PRAMEF4: variants seen among roughly 807,000 people sequenced by gnomAD.
PRAMEF4 encodes RP5-845O24.6.
In PRAMEF4, 18 loss-of-function variants were observed where a neutral mutation model predicts 34.4. That is an observed-to-expected ratio of 0.52 (90% CI 0.36 to 0.78). The LOEUF (loss-of-function observed/expected upper bound fraction) is 0.78. PRAMEF4 is among the 30% of genes least tolerant of loss of function. The pLI is 0.00. For synonymous variants in PRAMEF4, 156 were observed against 219.3 expected, an observed-to-expected ratio of 0.71 and a Z score of 2.55; for missense variants, 482 against 569.1, an observed-to-expected ratio of 0.85 and a Z score of 1.56.
chr1:12,884,654 G>A lies in PRAMEF4; in HGVS notation c.-16-1244C>T, dbSNP rs1211781678. ...CACTTGAACCCAGGAGGCAGAAGTT[G>A]CAGTGAGCTGACATTATACCACTCC... On this transcript the variant is annotated intron_variant, in intron 1 of 3. Transcript: ENST00000235349. 1.4e-5 allele frequency among the ~76,000 whole-genome samples: 2 copies of A among 147,612 alleles called. 1 individual carries two copies. Among genetic ancestry groups the A allele is most frequent in the African/African-American group, 5.1e-5 (2 of 39,484 alleles).
At position 12,881,993 on chromosome 1, in the gene PRAMEF4, C is replaced by T; in HGVS notation, c.736G>A (p.Val246Ile). 1.3e-6 allele frequency: 2 copies of T among 1,589,696 alleles called. No individual in the cohort carries two copies. The highest frequency in any genetic ancestry group is 1.7e-6 in the Non-Finnish European group (2 of 1,173,506). ...LQKLILSHMD[V>I]SRYVSPEQKK... ...TGCTCTGGGGAAACGTAGCGAGAGA[C>T]ATCCATGTGGGAGAGAATGAGTTTC... The change falls in exon 3 of 4, where the codon GTC becomes ATC. Residue 246 changes from valine to isoleucine, a missense_variant. By Grantham distance (29) the Val-to-Ile change is conservative (BLOSUM62 3). This residue lies in a region of PRAMEF4 where 81 missense variants were observed against 73.1 expected (regional missense o/e 1.11). Coordinates refer to ENST00000235349, the MANE Select transcript of PRAMEF4 (RefSeq NM_001009611.4).
At chr1:12,883,484 C>G in intron 1 of PRAMEF4, 74 bp from the exon 2 acceptor site, 1 of 1,572,272 alleles carries the variant, frequency 6.4e-7, no homozygotes, top group East Asian at 2.3e-5. Flanking sequence ...TCTCCTATGG[C>G]CAAACTCACT....
In PRAMEF4 at chr1:12,879,814, T is replaced by A; in HGVS notation, c.1167A>T (p.Gly389=). The A allele has an allele frequency of 6.3e-7, 1 of 1,599,822 alleles. No homozygotes were observed. The highest frequency in any genetic ancestry group is 2.2e-5 in the East Asian group (1 of 44,546). The change falls in exon 4 of 4, where the codon GGA becomes GGT. Residue 389 remains glycine, a synonymous_variant. Coordinates refer to ENST00000235349, the MANE Select transcript of PRAMEF4 (RefSeq NM_001009611.4). ...CFELNTFSFC[G]NPICMATLEN... ...CCAGGGTGGCCATGCAGATGGGATT[T>A]CCACAGAAGCTGAAGGTGTTGAGCT...
At chr1:12,884,028 T>C in intron 1 of PRAMEF4, among the ~76,000 whole-genome samples, 1 of 145,848 alleles carries the variant, frequency 6.9e-6, no homozygotes, top group Non-Finnish European at 1.5e-5. Flanking sequence ...TCACTCTTTC[T>C]GACAGAGTCT....
At chr1:12,883,756 G>C (rs1557641644) in intron 1 of PRAMEF4, among the ~76,000 whole-genome samples, 4 of 148,010 alleles carry the variant, frequency 2.7e-5, no homozygotes, top group Admixed American at 1.4e-4. Context: ...GAATGGGAAT[G>C]TCACAAGCCT....
At position 12,879,914 on chromosome 1, in the gene PRAMEF4, T is replaced by C. The variant is rs1640855652; in HGVS notation, c.1067A>G (p.Tyr356Cys). ...GATGCCACAGTCATCTAAATCCAGG[T>C]ACTCAAGGGTGGCTGCAACTTTTTC... ...LLEKVAATLE[Y>C]LDLDDCGIID... Residue 356 changes from tyrosine to cysteine, a missense_variant, in exon 4 of 4, where the codon TAC (tyrosine) becomes TGC (cysteine). This residue lies in a region of PRAMEF4 where 35 missense variants were observed against 109.2 expected (regional missense o/e 0.32). Coordinates refer to ENST00000235349, the MANE Select transcript of PRAMEF4 (RefSeq NM_001009611.4). The C allele has an allele frequency of 6.2e-7, 1 of 1,604,316 alleles. No individual in the cohort carries two copies. The highest frequency in any genetic ancestry group is 1.7e-5 in the Admixed American group (1 of 58,284).
chr1:12,885,175 G>A (rs1261834303), intron 1 of PRAMEF4, among the ~76,000 whole-genome samples: 2 of 150,540 alleles, frequency 1.3e-5, no homozygotes, highest in East Asian at 3.9e-4. Context: ...CGTCGCCCAG[G>A]CTGGAGTGCA....
At chr1:12,881,623 T>A (rs1232502684) in intron 3 of PRAMEF4, among the ~76,000 whole-genome samples, 1 of 140,970 alleles carries the variant, frequency 7.1e-6, no homozygotes, top group Non-Finnish European at 1.5e-5. Context: ...GCTGACTTCC[T>A]AGCATGGCAG....
At chr1:12,880,796 C>A (rs916656671) in intron 3 of PRAMEF4, among the ~76,000 whole-genome samples, 2 of 145,838 alleles carry the variant, frequency 1.4e-5, no homozygotes, top group Non-Finnish European at 1.5e-5. Flanking sequence ...GGGCTGCAGG[C>A]GTCCCTGACA....
At position 12,884,892 on chromosome 1, in the gene PRAMEF4, A is replaced by G. The variant is rs4568827; in HGVS notation, c.-17+1255T>C. On this transcript the variant is annotated intron_variant, in intron 1 of 3. Transcript: ENST00000235349. Reference sequence around the variant, plus strand: ...TCACTGATTCCCTTCACAAACATGGAGTTTTACTAATATGTGTCCTTCAAA... The same window carrying G: ...TCACTGATTCCCTTCACAAACATGGGGTTTTACTAATATGTGTCCTTCAAA... Among the ~76,000 whole-genome samples the G allele has an allele frequency of 1.7e-3, 255 of 149,804 alleles. 3 individuals carry two copies. Among genetic ancestry groups the G allele is most frequent in the African/African-American group, 5.8e-3 (235 of 40,186 alleles).
rs577311540 is a variant in PRAMEF4, at chr1:12,880,570, T to C, written c.876-465A>G. ...CAGCCTGGGTGACAGAGAGAGACTC[T>C]GTATTAAAAAAAAAAAAGGAGAAAA... On this transcript the variant is annotated intron_variant, in intron 3 of 3. Transcript: ENST00000235349. Among the ~76,000 whole-genome samples the C allele has an allele frequency of 4.1e-3, 605 of 145,850 alleles. 6 individuals are homozygous for C. The highest frequency in any genetic ancestry group is 1.0e-3 in the Non-Finnish European group (68 of 66,384).
chr1:12,880,977 G>A lies in PRAMEF4; in HGVS notation c.876-872C>T, dbSNP rs1640877297. ...GATCATTCATGTTCACCAAACTGTG[G>A]GGCACAAAGCTGATTTTCTGACAAG... On this transcript the variant is annotated intron_variant, in intron 3 of 3. Coordinates refer to ENST00000235349, the MANE Select transcript of PRAMEF4 (RefSeq NM_001009611.4). Among the ~76,000 whole-genome samples, 3 of 147,264 alleles carry A rather than the reference G, an allele frequency of 2.0e-5. 1 individual carries two copies. In the South Asian group the frequency reaches 6.5e-4, roughly 32 times the overall value.
chr1:12,879,803 C>A lies in PRAMEF4; in HGVS notation c.1178G>T (p.Cys393Phe). Reference sequence around the variant, plus strand: ...CAGCAGGTTCTCCAGGGTGGCCATGCAGATGGGATTTCCACAGAAGCTGAA... The same window carrying A: ...CAGCAGGTTCTCCAGGGTGGCCATGAAGATGGGATTTCCACAGAAGCTGAA... ...NTFSFCGNPI[C>F]MATLENLLSH... Residue 393 changes from cysteine (C) to phenylalanine (F), a missense_variant, in exon 4 of 4, where the codon TGC becomes TTC. Physicochemically the swap from Cys to Phe is radical, Grantham distance 205. Coordinates refer to ENST00000235349, the MANE Select transcript of PRAMEF4 (RefSeq NM_001009611.4). 6.3e-7 allele frequency: 1 copy of A among 1,591,388 alleles called. No homozygotes were observed. Among genetic ancestry groups the A allele is most frequent in the Non-Finnish European group, 8.6e-7 (1 of 1,169,506 alleles).
rs562920609 is a variant in PRAMEF4 at position 12,881,986 on chromosome 1, C to T, written c.743G>A (p.Arg248His). 25 of 1,588,262 alleles carry T rather than the reference C, an allele frequency of 1.6e-5. No homozygotes were observed. The highest frequency in any genetic ancestry group is 1.1e-4 in the African/African-American group (8 of 71,690). ...KLILSHMDVS[R>H]YVSPEQKKEI... ...CTTCTTCTGCTCTGGGGAAACGTAG[C>T]GAGAGACATCCATGTGGGAGAGAAT... The change falls in exon 3 of 4, where the codon CGC (arginine) becomes CAC (histidine). Residue 248 changes from arginine to histidine, a missense_variant. This residue lies in a region of PRAMEF4 where 81 missense variants were observed against 73.1 expected (regional missense o/e 1.11). Coordinates refer to ENST00000235349, the MANE Select transcript of PRAMEF4 (RefSeq NM_001009611.4).
rs533082800 is a variant in PRAMEF4, at chr1:12,881,682, G to T, written c.875+172C>A. 7.6e-5 allele frequency among the ~76,000 whole-genome samples: 11 copies of T among 144,756 alleles called. No individual in the cohort carries two copies. In the South Asian group the frequency reaches 2.4e-3, roughly 32 times the overall value. 95.0% of individuals were successfully genotyped at this position (144,756 alleles called of 152,430 possible). A position where few individuals can be genotyped will look rare whatever the true frequency, so the allele number is the denominator to read the frequency against. ...CTGATCCCTCTGCCTCTATTGGGAG[G>T]GTTGCATGATACCCATTTCAGGACA... On this transcript the variant is annotated intron_variant, in intron 3 of 3. Coordinates refer to ENST00000235349, the MANE Select transcript of PRAMEF4 (RefSeq NM_001009611.4).
intron 3 of PRAMEF4, 132 bp from the exon 4 acceptor site, chr1:12,880,237 C>G: frequency 2.0e-6 from 3 of 1,463,412 alleles, no homozygotes; most frequent in East Asian, 2.3e-5. Context: ...GCCTGATGGT[C>G]AACACTTAGG....
In PRAMEF4 at chr1:12,883,411, C is replaced by T. The variant is rs201971069; in HGVS notation, c.-16-1G>A. The T allele has an allele frequency of 3.8e-6, 6 of 1,597,284 alleles. No individual in the cohort carries two copies. In the Admixed American group the frequency reaches 1.0e-4, roughly 28 times the overall value. On this transcript the variant is annotated splice_acceptor_variant, in intron 1 of 3. Coordinates refer to ENST00000235349, the MANE Select transcript of PRAMEF4 (RefSeq NM_001009611.4). LOFTEE classifies it low-confidence loss of function (5UTR_SPLICE). ...CATCTTCATGAATCTGCAGGGAAAACTTCCAGAGGACAAACCCAGAGAAAA... is the reference window on the plus strand; with the variant it reads ...CATCTTCATGAATCTGCAGGGAAAATTTCCAGAGGACAAACCCAGAGAAAA...
chr1:12,880,274 C>T (rs1158622533), intron 3 of PRAMEF4, among the ~76,000 whole-genome samples, 169 bp from the exon 4 acceptor site: 4 of 151,370 alleles, frequency 2.6e-5, no homozygotes, highest in Non-Finnish European at 5.9e-5. Flanking sequence ...AGCTTTGCCA[C>T]CGAGGTCAAT....
chr1:12,883,454 A>G (rs773646351), intron 1 of PRAMEF4, 44 bp from the exon 2 acceptor site: 7 of 1,597,260 alleles, frequency 4.4e-6, no homozygotes, highest in Non-Finnish European at 6.0e-6. Flanking sequence ...CTCTCGGGCC[A>G]AGCCCATGCA....
Sources: gnomAD v4.1 joint callset for allele counts (sites outside exome capture counted in the v4.1 genomes callset) on GRCh38, gnomAD v4.1.1 for gene constraint, gnomAD v4.1.1 regional missense constraint, MANE v1.5 for transcripts, NCBI Gene and HGNC (gene_info 2026-07-23, HGNC 2026-07-21) for gene names.